Variants in SV2C observed in about 807,000 individuals in gnomAD.
SV2C encodes synaptic vesicle glycoprotein 2C.
A neutral mutation model predicts 79.7 loss-of-function variants in SV2C; 49 were observed. That is an observed-to-expected ratio of 0.61 (90% CI 0.49 to 0.78). The LOEUF is 0.78. SV2C is among the 30% of genes least tolerant of loss of function. The probability of loss-of-function intolerance (pLI) is 0.00; values close to 1 mark genes in which losing one functional copy is unlikely to be tolerated. For synonymous variants in SV2C, 334 were observed against 333.2 expected, an observed-to-expected ratio of 1.00 and a Z score of -0.03; for missense variants, 833 against 912.9, an observed-to-expected ratio of 0.91 and a Z score of 1.13.
intron 1 of SV2C, among the ~76,000 whole-genome samples, chr5:76,090,635 A>G (rs1446973330): frequency 1.3e-5 from 2 of 152,184 alleles, no homozygotes; most frequent in African/African-American, 4.8e-5. Flanking sequence ...CCTCACTGCC[A>G]TCACTGCTCC....
At chr5:76,159,745 C>T (rs2034316546) in intron 2 of SV2C, among the ~76,000 whole-genome samples, 1 of 152,058 alleles carries the variant, frequency 6.6e-6, no homozygotes, top group African/African-American at 2.4e-5. Flanking sequence ...GCCTACCCTA[C>T]TCTAGTATGA....
intron 2 of SV2C, among the ~76,000 whole-genome samples, chr5:76,149,136 G>A (rs1350919809): frequency 1.3e-5 from 2 of 152,166 alleles, no homozygotes; most frequent in African/African-American, 2.4e-5. Context: ...CTTGCCTTCT[G>A]TATGCCAGGC....
the SV2C span, among the ~76,000 whole-genome samples, chr5:75,858,635 T>C: frequency 6.6e-6 from 1 of 152,224 alleles, no homozygotes; most frequent in South Asian, 2.1e-4. Flanking sequence ...TTGGAAGTAT[T>C]TTCTCCTCCT....
At chr5:76,133,221 T>C (rs2112191033) in intron 2 of SV2C, among the ~76,000 whole-genome samples, 1 of 152,344 alleles carries the variant, frequency 6.6e-6, no homozygotes, top group East Asian at 1.9e-4. Context: ...ATTTCCAAAC[T>C]GCTTTTGCAA....
rs898494133 is a variant in SV2C, at chr5:76,325,357, T to C, written c.2001-7T>C. On this transcript the variant is annotated splice_polypyrimidine_tract_variant and splice_region_variant and intron_variant, in intron 12 of 12. Transcript: ENST00000502798. ...CTCAACCTTGTTCATGTCTCTTTCCTTTGCAGGGCAACAGGCTTTGGCTTC... is the reference window on the plus strand; with the variant it reads ...CTCAACCTTGTTCATGTCTCTTTCCCTTGCAGGGCAACAGGCTTTGGCTTC... 2.5e-6 allele frequency: 4 copies of C among 1,613,830 alleles called. No homozygotes were observed. The African/African-American group carries it at 4.0e-5, about 16-fold the overall frequency.
intron 4 of SV2C, among the ~76,000 whole-genome samples, chr5:76,226,617 A>G (rs995356286): frequency 6.6e-6 from 1 of 152,250 alleles, no homozygotes; most frequent in African/African-American, 2.4e-5. Flanking sequence ...AGAAACTACT[A>G]AACTATTTCT....
chr5:76,199,685 A>G (rs1744376477), intron 3 of SV2C, among the ~76,000 whole-genome samples: 1 of 152,280 alleles, frequency 6.6e-6, no homozygotes, highest in African/African-American at 2.4e-5. Context: ...AGCAGCAACC[A>G]GCATAGTCTG....
At chr5:76,210,388 C>A (rs1436120275) in intron 4 of SV2C, among the ~76,000 whole-genome samples, 2 of 152,174 alleles carry the variant, frequency 1.3e-5, no homozygotes, top group Admixed American at 6.5e-5. Context: ...CAGGTTTGAT[C>A]ATTTGCTAGA....
At chr5:75,941,424 A>C in the SV2C span, among the ~76,000 whole-genome samples, 7 of 152,196 alleles carry the variant, frequency 4.6e-5, no homozygotes, top group African/African-American at 1.7e-4. Flanking sequence ...GTGCCTTTCT[A>C]TTCAACATAT....
At chr5:75,876,578 TAAAAA>T in the SV2C span, among the ~76,000 whole-genome samples, 1 of 151,946 alleles carries the variant, frequency 6.6e-6, no homozygotes, top group African/African-American at 2.4e-5. Flanking sequence ...AAATAAAAGT[TAAAAA>T]AGGAAGTTAC....
At chr5:75,985,729 GT>G in the SV2C span, among the ~76,000 whole-genome samples, 1 of 151,812 alleles carries the variant, frequency 6.6e-6, no homozygotes, top group African/African-American at 2.4e-5. Flanking sequence ...AAAAAGTGAT[GT>G]TACTACTTAG....
chr5:75,943,575 G>A, the SV2C span, among the ~76,000 whole-genome samples: 4,187 of 152,218 alleles, frequency 0.028, 178 homozygotes, highest in African/African-American at 0.092. Context: ...ACAAAGCCAT[G>A]TTTCTCAAAA....
At chr5:75,905,873 A>G in the SV2C span, among the ~76,000 whole-genome samples, 15 of 150,966 alleles carry the variant, frequency 9.9e-5, no homozygotes, top group African/African-American at 3.7e-4. Flanking sequence ...GGAACCTCAG[A>G]ATGTGACCTT....
the SV2C span, among the ~76,000 whole-genome samples, chr5:75,892,001 C>A: frequency 6.6e-6 from 1 of 152,052 alleles, no homozygotes; most frequent in Non-Finnish European, 1.5e-5. Context: ...TTTCCTATTA[C>A]TCCCTGATTC....
At chr5:75,946,220 C>A in the SV2C span, among the ~76,000 whole-genome samples, 4 of 152,070 alleles carry the variant, frequency 2.6e-5, no homozygotes, top group Non-Finnish European at 2.9e-5. Context: ...AATACCACTA[C>A]AGAACCTACA....
At chr5:76,124,776 TTTTG>T (rs1415908907) in intron 1 of SV2C, among the ~76,000 whole-genome samples, 7 of 152,234 alleles carry the variant, frequency 4.6e-5, no homozygotes, top group Non-Finnish European at 8.8e-5. Flanking sequence ...TATTTTGTTA[TTTTG>T]TTTGTTTTTT....
chr5:76,004,012 G>A, the SV2C span, among the ~76,000 whole-genome samples: 12 of 151,892 alleles, frequency 7.9e-5, no homozygotes, highest in Non-Finnish European at 1.3e-4. Flanking sequence ...CTTTTATGGA[G>A]AGCTGCAGGC....
the SV2C span, among the ~76,000 whole-genome samples, chr5:75,999,008 A>G: frequency 6.6e-6 from 1 of 152,158 alleles, no homozygotes; most frequent in African/African-American, 2.4e-5. Context: ...CCTCACAATC[A>G]TGGCAGAAGG....
chr5:76,309,517 G>A (rs1392904014), intron 12 of SV2C, among the ~76,000 whole-genome samples: 2 of 146,336 alleles, frequency 1.4e-5, no homozygotes, highest in South Asian at 2.2e-4. Flanking sequence ...GGAGAATGGC[G>A]TGAACCCGGG....
Sources: allele counts gnomAD v4.1 joint callset (sites outside exome capture counted in the v4.1 genomes callset), GRCh38; gene constraint gnomAD v4.1.1; transcripts MANE v1.5; gene names NCBI Gene and HGNC (gene_info 2026-07-23, HGNC 2026-07-21).